The following ANXA1 variants were observed in gnomAD, a reference collection of about 807,000 sequenced individuals.
The protein encoded by ANXA1 is annexin A1, also known as annexin I (lipocortin I).
In ANXA1, 39 loss-of-function variants were observed where a neutral mutation model predicts 47.9. The observed-to-expected ratio is 0.81, with a 90% CI of 0.63 to 1.06. ANXA1 has a LOEUF of 1.06. ANXA1 is among the 50% of genes least tolerant of loss of function. The probability of loss-of-function intolerance (pLI) is 0.00; values close to 1 mark genes in which losing one functional copy is unlikely to be tolerated. For synonymous variants in ANXA1, 146 were observed against 142.5 expected, an observed-to-expected ratio of 1.02 and a Z score of -0.17; for missense variants, 446 against 422.7, an observed-to-expected ratio of 1.06 and a Z score of -0.48.
chr9:73,169,280 T>C, intron 12 of ANXA1, 126 bp downstream of exon 12: 1 of 1,027,842 alleles, frequency 9.7e-7, no homozygotes, highest in Non-Finnish European at 1.3e-6. Flanking sequence ...TATATTATGG[T>C]GTATACTTCA....
intron 1 of ANXA1, among the ~76,000 whole-genome samples, chr9:73,153,090 C>G (rs1032096895): frequency 1.3e-5 from 2 of 152,132 alleles, no homozygotes; most frequent in African/African-American, 4.8e-5. Flanking sequence ...TCTGAAATGG[C>G]CTCTTCCCCA....
chr9:73,163,390 A>G, intron 7 of ANXA1, 86 bp from the exon 8 acceptor site: 2 of 1,328,826 alleles, frequency 1.5e-6, no homozygotes, highest in Non-Finnish European at 1.1e-6. Context: ...CTCAAAAAAT[A>G]TTATTTATCT....
chr9:73,158,695 C>A lies in ANXA1; in HGVS notation c.67C>A (p.Gln23Lys). ...TAATTTATTTCTCTCTCATTCTTAG[C>A]AAACTGTGAAGTCATCCAAAGGTGG... ...FIENEEQEYV[Q>K]TVKSSKGGPG... is the part of the protein sequence containing the mutation. Residue 23 changes from glutamine (Q) to lysine (K), a missense_variant and splice_region_variant, in exon 3 of 13, where the codon CAA becomes AAA. Gln to Lys is a moderately conservative substitution (Grantham distance 53). Coordinates refer to ENST00000257497, the MANE Select transcript of ANXA1 (RefSeq NM_000700.3). 5 of 1,613,674 alleles carry A rather than the reference C, an allele frequency of 3.1e-6. No homozygotes were observed. Among genetic ancestry groups the A allele is most frequent in the Non-Finnish European group, 4.2e-6 (5 of 1,179,722 alleles).
At chr9:73,161,486 G>A (rs955857858) in intron 6 of ANXA1, among the ~76,000 whole-genome samples, 1 of 152,066 alleles carries the variant, frequency 6.6e-6, no homozygotes, top group African/African-American at 2.4e-5. Flanking sequence ...TCATTTAAAT[G>A]ATGTGCTCAA....
Position 73,170,035 on chromosome 9 carries a change from T to G in ANXA1, c.985-16T>G. 6.3e-7 allele frequency: 1 copy of G among 1,594,652 alleles called. No individual in the cohort carries two copies. The highest frequency in any genetic ancestry group is 8.5e-7 in the Non-Finnish European group (1 of 1,170,866). On this transcript the variant is annotated splice_polypyrimidine_tract_variant and intron_variant, in intron 12 of 12. Coordinates refer to ENST00000257497, the MANE Select transcript of ANXA1 (RefSeq NM_000700.3). ...GTTTCGACTAACATTAAGTATACCTTTTTTTGAATCAACAGGATGAAACCA... is the reference window on the plus strand; with the variant it reads ...GTTTCGACTAACATTAAGTATACCTGTTTTTGAATCAACAGGATGAAACCA...
chr9:73,168,780 G>A, intron 11 of ANXA1: 1 of 260,814 alleles, frequency 3.8e-6, no homozygotes, highest in South Asian at 8.9e-5. Flanking sequence ...ACAGTGTAGA[G>A]ACCGGATGGT....
At chr9:73,165,949 C>T (rs1362369483) in intron 9 of ANXA1, 148 bp from the exon 10 acceptor site, 8 of 574,204 alleles carry the variant, frequency 1.4e-5, no homozygotes, top group East Asian at 2.9e-5. Flanking sequence ...GAAGTATTCA[C>T]GTTATGATTA....
intron 9 of ANXA1, chr9:73,165,468 G>T (rs1824211946): frequency 3.9e-6 from 1 of 258,752 alleles, no homozygotes; most frequent in South Asian, 7.1e-5. Flanking sequence ...TCCCCTAAAA[G>T]ATTTGGAATA....
At chr9:73,169,223 G>A (rs1416888605) in intron 12 of ANXA1, 69 bp downstream of exon 12, 1 of 1,475,862 alleles carries the variant, frequency 6.8e-7, no homozygotes, top group Non-Finnish European at 9.1e-7. Context: ...TCAAGGAGAA[G>A]AGTTGACTTA....
At chr9:73,152,324 T>C (rs76779827) in intron 1 of ANXA1, among the ~76,000 whole-genome samples, 4,988 of 152,188 alleles carry the variant, frequency 0.033, 261 homozygotes, top group African/African-American at 0.11. Context: ...GGGCTGCTTT[T>C]TGGGGGCAAG....
At chr9:73,158,628 A>G (rs759381580) in intron 2 of ANXA1, 27 bp downstream of exon 2, 13 of 1,609,404 alleles carry the variant, frequency 8.1e-6, no homozygotes, top group Non-Finnish European at 1.0e-5. Context: ...TAAAATTATG[A>G]TTACAATATT....
At chr9:73,157,776 A>G (rs1034132490) in intron 1 of ANXA1, 5 of 151,756 alleles carry the variant, frequency 3.3e-5, no homozygotes, top group African/African-American at 9.7e-5. Flanking sequence ...CTAATCCTCC[A>G]TCTTGTCTAT....
In ANXA1 at chr9:73,170,224, G is replaced by T. The variant is rs1003363102; in HGVS notation, c.*117G>T. 26 of 663,690 alleles carry T rather than the reference G, an allele frequency of 3.9e-5. No homozygotes were observed. Among genetic ancestry groups the T allele is most frequent in the African/African-American group, 3.8e-4 (21 of 54,550 alleles). The allele number at this position is 663,690 out of a possible 1,614,324, so 41.1% of individuals were successfully genotyped here. A position where few individuals can be genotyped will look rare whatever the true frequency, so the allele number is the denominator to read the frequency against. ...ATTACAGTGTAGCTACCTACATGCT[G>T]AAAAATATAGCCTTTAAATCATTTT... On this transcript the variant is annotated 3_prime_UTR_variant, in exon 13 of 13. Coordinates refer to ENST00000257497, the MANE Select transcript of ANXA1 (RefSeq NM_000700.3).
chr9:73,158,636 A>C (rs1204401400), intron 2 of ANXA1, 35 bp downstream of exon 2: 1 of 1,609,902 alleles, frequency 6.2e-7, no homozygotes, highest in Admixed American at 1.7e-5. Flanking sequence ...TGATTACAAT[A>C]TTGAAATAAA....
In ANXA1 at chr9:73,165,139, G is replaced by A. The variant is rs149033255; in HGVS notation, c.636G>A (p.Arg212=). 2.1e-3 allele frequency: 3,436 copies of A among 1,612,676 alleles called. 7 individuals carry two copies. The highest frequency in any genetic ancestry group is 2.5e-3 in the Admixed American group (148 of 59,910). Residue 212 remains arginine (R), a synonymous_variant, in exon 9 of 13, where the codon AGG becomes AGA. Transcript: ENST00000257497. ...DARALYEAGE[R]RKGTDVNVFN... is the part of the protein sequence containing the mutation. ...AGGCCTTGTATGAAGCAGGAGAAAG[G>A]AGAAAGGGGACAGACGTAAACGTGT...
chr9:73,154,966 C>T (rs1588216400), intron 1 of ANXA1, among the ~76,000 whole-genome samples: 2 of 152,286 alleles, frequency 1.3e-5, no homozygotes, highest in African/African-American at 4.8e-5. Flanking sequence ...CCACAAAACT[C>T]AGCTTCCTCT....
At chr9:73,161,022 T>C (rs1433423112) in intron 6 of ANXA1, 129 bp downstream of exon 6, 7 of 635,828 alleles carry the variant, frequency 1.1e-5, no homozygotes, top group Non-Finnish European at 1.6e-5. Flanking sequence ...GTTTCTTTAT[T>C]GTTTGGCACA....
intron 1 of ANXA1, among the ~76,000 whole-genome samples, chr9:73,153,035 C>A (rs1020439876): frequency 5.3e-5 from 8 of 152,150 alleles, no homozygotes; most frequent in African/African-American, 1.9e-4. Flanking sequence ...TAAGAGAATG[C>A]ACATTGCAAA....
chr9:73,169,065 A>G lies in ANXA1; in HGVS notation c.895A>G (p.Ile299Val). The G allele has an allele frequency of 6.2e-7, 1 of 1,613,304 alleles. No individual in the cohort carries two copies. The highest frequency in any genetic ancestry group is 1.1e-5 in the South Asian group (1 of 91,040). ...AACTCGCCATAAGGCATTGATCAGG[A>G]TTATGGTTTCCCGTTCTGAAATTGA... is the stretch of plus-strand genomic sequence containing the variant. ...VGTRHKALIR[I>V]MVSRSEIDMN... Residue 299 changes from isoleucine (I) to valine (V), a missense_variant, in exon 12 of 13, where the codon ATT becomes GTT. Transcript: ENST00000257497.
Sources: gnomAD v4.1 joint callset for allele counts (sites outside exome capture counted in the v4.1 genomes callset) on GRCh38, gnomAD v4.1.1 for gene constraint, MANE v1.5 for transcripts, NCBI Gene and HGNC (gene_info 2026-07-23, HGNC 2026-07-21) for gene names.